The following DGKK variants were observed in gnomAD, a reference collection of about 807,000 sequenced individuals.
The protein encoded by DGKK is diacylglycerol kinase kappa.
A neutral mutation model predicts 92.2 loss-of-function variants in DGKK; 35 were observed. That is an observed-to-expected ratio of 0.38 (90% confidence interval 0.29 to 0.50). DGKK has a LOEUF of 0.50. Ranked by LOEUF, DGKK falls within the 20% of genes least tolerant of loss-of-function variation. The probability of loss-of-function intolerance (pLI) is 0.92; values close to 1 mark genes in which losing one functional copy is unlikely to be tolerated. For synonymous variants in DGKK, 368 were observed against 360.6 expected (o/e 1.02, Z -0.23); for missense variants, 910 against 992.2 (o/e 0.92, Z 1.11).
intron 4 of DGKK, among the ~76,000 whole-genome samples, chrX:50,417,140 G>A (rs1182621689): frequency 9.4e-6 from 1 of 106,058 alleles, no homozygotes; most frequent in East Asian, 2.9e-4. Flanking sequence ...TCAATTTTCT[G>A]TACAACATCT....
At chrX:50,434,684 GA>G (rs782405978) in intron 1 of DGKK, among the ~76,000 whole-genome samples, 1,708 of 101,755 alleles carry the variant, frequency 0.017, 19 homozygotes, top group Middle Eastern at 0.065. Context: ...AGAAGGCAGG[GA>G]AAAAAAAAAA....
intron 8 of DGKK, among the ~76,000 whole-genome samples, chrX:50,397,399 C>T (rs782266419): frequency 1.8e-5 from 2 of 112,207 alleles, no homozygotes; most frequent in Non-Finnish European, 3.8e-5. Flanking sequence ...CATGACACAC[C>T]TGAGTACAAT....
At position 50,402,985 on chromosome X, in the gene DGKK, T is replaced by C. The variant is rs1925049330; in HGVS notation, c.1308+76A>G. ...AGTTTCTTAGATTTCTATCTATGTG[T>C]ATACATGGTCAAGCTCTAAGCCACT... On this transcript the variant is annotated intron_variant, in intron 7 of 27. Transcript: ENST00000611977. The C allele has an allele frequency of 8.8e-7, 1 of 1,142,783 alleles. No homozygotes were observed. Among genetic ancestry groups the C allele is most frequent in the African/African-American group, 1.8e-5 (1 of 55,630 alleles). The allele number at this position is 1,142,783 out of a possible 1,213,427, so 94.2% of individuals were successfully genotyped here.
rs1252759479 is a variant in DGKK at position 50,368,979 on chromosome X, C to T, written c.3777G>A (p.Glu1259=). The T allele has an allele frequency of 1.7e-6, 2 of 1,206,852 alleles. No individual in the cohort carries two copies. The highest frequency in any genetic ancestry group is 5.9e-5 in the East Asian group (2 of 33,661). Residue 1259 remains glutamate (E), a synonymous_variant, in exon 28 of 28, where the codon GAG becomes GAA. Coordinates refer to ENST00000611977, the MANE Select transcript of DGKK (RefSeq NM_001013742.4). ...TCGATGGTGTTAGAGGATCATCACC[C>T]TCTGCTTCATCTTCACGATGTCTGC... The part of the protein sequence containing the change: ...WHRRHREDEA[E]GDDPLTPSRS...
At chrX:50,408,547 T>A (rs782239960) in intron 4 of DGKK, among the ~76,000 whole-genome samples, 3 of 106,220 alleles carry the variant, frequency 2.8e-5, no homozygotes, top group Non-Finnish European at 5.9e-5. Flanking sequence ...CCCGGCTAAT[T>A]TTTTTTTTTG....
At chrX:50,393,361 A>C in intron 8 of DGKK, 26 bp from the exon 9 acceptor site, 2 of 1,154,241 alleles carry the variant, frequency 1.7e-6, no homozygotes, top group Non-Finnish European at 2.3e-6. Flanking sequence ...GAAAAAGAAG[A>C]AAAAAAAGAA....
At chrX:50,423,837 T>C (rs1925666118) in intron 2 of DGKK, among the ~76,000 whole-genome samples, 1 of 112,373 alleles carries the variant, frequency 8.9e-6, no homozygotes, top group Non-Finnish European at 1.9e-5. Context: ...ATCGTATTTT[T>C]CTTTACTTAG....
At position 50,377,700 on chromosome X, in the gene DGKK, T is replaced by C. The variant is rs560438374; in HGVS notation, c.3111+398A>G. 2.0e-4 allele frequency among the ~76,000 whole-genome samples: 22 copies of C among 112,428 alleles called. 1 individual carries two copies. In the South Asian group the frequency reaches 7.9e-3, roughly 40 times the overall value. On this transcript the variant is annotated intron_variant, in intron 22 of 27. Transcript: ENST00000611977. ...AGAGACACCTAAAGACCATGTTCAA[T>C]GCAGAATCTGTTGCTGAAGGAGAAG...
intron 1 of DGKK, among the ~76,000 whole-genome samples, chrX:50,433,278 T>C (rs1454114520): frequency 1.8e-5 from 2 of 112,159 alleles, no homozygotes; most frequent in East Asian, 5.6e-4. Context: ...TAGATCTCCC[T>C]GCCCTGTTAG....
rs1203961425 is a variant in DGKK, at chrX:50,369,020, C to T, written c.3737-1G>A. 1 of 1,199,271 alleles carries T rather than the reference C, an allele frequency of 8.3e-7. No homozygotes were observed. The highest frequency in any genetic ancestry group is 1.8e-5 in the African/African-American group (1 of 56,475). On this transcript the variant is annotated splice_acceptor_variant, in intron 27 of 27. Transcript: ENST00000611977. LOFTEE classifies it high-confidence loss of function. ...CGATGTCTGCGGTGCCATAAATTGCCTTCAGAGGAAAAAAAATGGTATAGA... is the reference window on the plus strand; with the variant it reads ...CGATGTCTGCGGTGCCATAAATTGCTTTCAGAGGAAAAAAAATGGTATAGA...
intron 1 of DGKK, among the ~76,000 whole-genome samples, chrX:50,430,607 T>G (rs1206860942): frequency 9.0e-6 from 1 of 111,606 alleles, no homozygotes; most frequent in Non-Finnish European, 1.9e-5. Context: ...CTGTGTACAG[T>G]GTTCACACAA....
At chrX:50,379,337 G>T (rs1326739036) in intron 20 of DGKK, among the ~76,000 whole-genome samples, 2 of 92,853 alleles carry the variant, frequency 2.2e-5, no homozygotes, top group Non-Finnish European at 4.3e-5. Context: ...AAAAAAAAAA[G>T]CATGGTCTAG....
chrX:50,391,420 G>GTC lies in DGKK; in HGVS notation c.1844+15_1844+16dup. The GTC allele has an allele frequency of 1.7e-6, 2 of 1,209,164 alleles. No homozygotes were observed. Among genetic ancestry groups the GTC allele is most frequent in the Non-Finnish European group, 2.2e-6 (2 of 893,869 alleles). The stretch of plus-strand genomic sequence containing the variant: ...GGACAGGAAGAGGCACAAGGGCCTG[G>GTC]TCTTTCAGCCACTTACCTGTCTAGG... On this transcript the variant is annotated intron_variant, in intron 11 of 27. Coordinates refer to ENST00000611977, the MANE Select transcript of DGKK (RefSeq NM_001013742.4).
chrX:50,382,366 G>T (rs2147120685), intron 18 of DGKK, 130 bp downstream of exon 18: 1 of 493,607 alleles, frequency 2.0e-6, no homozygotes, highest in African/African-American at 2.4e-5. Context: ...CTAGTCTTGG[G>T]GCCAATGCAT....
In DGKK at chrX:50,390,374, G is replaced by A; in HGVS notation, c.1880C>T (p.Thr627Ile). 8.3e-7 allele frequency: 1 copy of A among 1,211,234 alleles called. No individual in the cohort carries two copies. Reference sequence around the variant, plus strand: ...TTCAACCTGTCCTTTTAGCAGCGGGGTTTGTCTGGGAGTCTCACGAATCAT... The same window carrying A: ...TTCAACCTGTCCTTTTAGCAGCGGGATTTGTCTGGGAGTCTCACGAATCAT... ...SVMIRETPRQ[T>I]PLLKGQVEMD... The change falls in exon 12 of 28, where the codon ACC becomes ATC. Residue 627 changes from threonine to isoleucine, a missense_variant. Physicochemically the swap from Thr to Ile is moderately conservative, Grantham distance 89. Transcript: ENST00000611977.
intron 1 of DGKK, among the ~76,000 whole-genome samples, chrX:50,448,489 T>C (rs1028222106): frequency 9.0e-6 from 1 of 111,137 alleles, no homozygotes; most frequent in Non-Finnish European, 1.9e-5. Flanking sequence ...CACTAACTCA[T>C]ACTAGTAGGA....
Position 50,434,490 on chromosome X carries a change from C to T in DGKK, c.646-10132G>A, listed in dbSNP as rs1479325227. Among the ~76,000 whole-genome samples the T allele has an allele frequency of 1.4e-4, 16 of 110,862 alleles. 1 individual carries two copies. Among genetic ancestry groups the T allele is most frequent in the East Asian group, 5.7e-4 (2 of 3,518 alleles). On this transcript the variant is annotated intron_variant, in intron 1 of 27. Coordinates refer to ENST00000611977, the MANE Select transcript of DGKK (RefSeq NM_001013742.4). ...CTCATATCAAATAACTACATGATGA[C>T]GGTTATCATGATCTGACTTGGGTGT...
chrX:50,452,537 C>T (rs1926519757), intron 1 of DGKK, among the ~76,000 whole-genome samples: 1 of 111,869 alleles, frequency 8.9e-6, no homozygotes, highest in South Asian at 3.7e-4. Flanking sequence ...GACAACACCA[C>T]ATTGTGGCAG....
At chrX:50,426,821 T>C (rs1391623660) in intron 1 of DGKK, among the ~76,000 whole-genome samples, 1 of 112,058 alleles carries the variant, frequency 8.9e-6, no homozygotes, top group Non-Finnish European at 1.9e-5. Context: ...TGGATTAGAA[T>C]AGCTAAAACC....
Sources: gnomAD v4.1 joint callset for allele counts (sites outside exome capture counted in the v4.1 genomes callset) on GRCh38, gnomAD v4.1.1 for gene constraint, MANE v1.5 for transcripts, NCBI Gene and HGNC (gene_info 2026-07-23, HGNC 2026-07-21) for gene names.